TMEM132D: variants seen among roughly 807,000 people sequenced by gnomAD.
TMEM132D encodes transmembrane protein 132D, also known as mature OL transmembrane protein.
A neutral mutation model predicts 62.3 loss-of-function variants in TMEM132D; 21 were observed. The ratio of observed to expected loss-of-function variants is 0.34; its 90% confidence interval spans 0.24 to 0.49. The LOEUF (loss-of-function observed/expected upper bound fraction) is 0.49, where lower values mean the gene tolerates loss of function less well. Among genes scored for constraint, TMEM132D ranks in the 20% least tolerant of loss-of-function variants. The pLI is 0.99. For missense variants in TMEM132D, 1,346 were observed against 1,402.8 expected (o/e 0.96, Z 0.65); for synonymous variants, 621 against 575.6 (o/e 1.08, Z -1.13).
At chr12:129,630,407 G>C (rs1035949418) in intron 2 of TMEM132D, among the ~76,000 whole-genome samples, 1 of 151,084 alleles carries the variant, frequency 6.6e-6, no homozygotes, top group African/African-American at 2.4e-5. Context: ...GCTGAAAATG[G>C]CTCATTTTCA....
intron 3 of TMEM132D, among the ~76,000 whole-genome samples, chr12:129,375,455 CT>C (rs1870756346): frequency 1.3e-5 from 2 of 152,222 alleles, no homozygotes; most frequent in East Asian, 1.9e-4. Context: ...TAGAGTTTGA[CT>C]TAATTGGTCT....
At chr12:129,302,424 T>TG (rs1348866125) in intron 4 of TMEM132D, among the ~76,000 whole-genome samples, 21 of 152,342 alleles carry the variant, frequency 1.4e-4, no homozygotes, top group Admixed American at 6.5e-4. Flanking sequence ...CTCTGCCACC[T>TG]TTTCTATGGC....
chr12:129,472,822 T>C (rs747549065), intron 3 of TMEM132D, among the ~76,000 whole-genome samples: 1 of 152,186 alleles, frequency 6.6e-6, no homozygotes, highest in Non-Finnish European at 1.5e-5. Flanking sequence ...AAATCTTTCA[T>C]GAAAACAAGA....
At chr12:129,851,167 G>A (rs991679570) in intron 1 of TMEM132D, among the ~76,000 whole-genome samples, 6 of 152,118 alleles carry the variant, frequency 3.9e-5, no homozygotes, top group Non-Finnish European at 7.4e-5. Flanking sequence ...CTATCCATAG[G>A]GAAAACTGAC....
At position 129,874,845 on chromosome 12, in the gene TMEM132D, C is replaced by T. The variant is rs551263619; in HGVS notation, c.79+28416G>A. ...CCTCCCGAATAGCTGGGATTACAGG[C>T]GTGCGCCACCACGCCCAGCTAATTT... is the stretch of plus-strand genomic sequence containing the variant. On this transcript the variant is annotated intron_variant, in intron 1 of 8. Transcript: ENST00000422113. Among the ~76,000 whole-genome samples, 99 of 152,098 alleles carry T rather than the reference C, an allele frequency of 6.5e-4. No homozygotes were observed. In the Middle Eastern group the frequency reaches 0.01, roughly 16 times the overall value.
chr12:129,476,158 G>A (rs974562715), intron 3 of TMEM132D, among the ~76,000 whole-genome samples: 5 of 152,124 alleles, frequency 3.3e-5, no homozygotes, highest in Non-Finnish European at 5.9e-5. Context: ...CAGCAAATGT[G>A]GCAATCAAAA....
intron 3 of TMEM132D, among the ~76,000 whole-genome samples, chr12:129,518,289 T>C (rs1289217804): frequency 2.0e-5 from 3 of 152,124 alleles, no homozygotes; most frequent in African/African-American, 7.2e-5. Flanking sequence ...TTGGCAAGTA[T>C]CAACAAATGA....
At chr12:129,788,482 T>G (rs1871303653) in intron 1 of TMEM132D, among the ~76,000 whole-genome samples, 1 of 152,230 alleles carries the variant, frequency 6.6e-6, no homozygotes, top group South Asian at 2.1e-4. Context: ...TAATCATGAT[T>G]TTTCAGCAGA....
intron 1 of TMEM132D, among the ~76,000 whole-genome samples, chr12:129,712,286 G>A (rs149946553): frequency 1.9e-3 from 283 of 152,102 alleles, no homozygotes; most frequent in African/African-American, 6.6e-3. Flanking sequence ...CTCCATGCCT[G>A]GCTAATTTTT....
At chr12:129,518,879 A>C (rs1276132028) in intron 3 of TMEM132D, among the ~76,000 whole-genome samples, 1 of 152,192 alleles carries the variant, frequency 6.6e-6, no homozygotes, top group African/African-American at 2.4e-5. Flanking sequence ...CTTAAGATAA[A>C]TCCTAAAATG....
chr12:129,475,118 C>G (rs1393867479), intron 3 of TMEM132D, among the ~76,000 whole-genome samples: 1 of 152,064 alleles, frequency 6.6e-6, no homozygotes, highest in Non-Finnish European at 1.5e-5. Context: ...CAATTGCTAT[C>G]AAAAGCCACT....
chr12:129,751,053 T>G (rs1010872792), intron 1 of TMEM132D, among the ~76,000 whole-genome samples: 1 of 152,204 alleles, frequency 6.6e-6, no homozygotes, highest in Admixed American at 6.5e-5. Flanking sequence ...GGCCCACATT[T>G]CCTCATTGTG....
intron 3 of TMEM132D, among the ~76,000 whole-genome samples, chr12:129,353,520 T>C (rs2135669734): frequency 6.6e-6 from 1 of 152,048 alleles, no homozygotes; most frequent in African/African-American, 2.4e-5. Context: ...GTCAAATAGG[T>C]AGCTATCAGG....
chr12:129,737,339 TC>T (rs1565967694), intron 1 of TMEM132D, among the ~76,000 whole-genome samples: 1 of 152,308 alleles, frequency 6.6e-6, no homozygotes, highest in East Asian at 1.9e-4. Context: ...TGTTTGGCCC[TC>T]CCAATGCTTA....
intron 1 of TMEM132D, among the ~76,000 whole-genome samples, chr12:129,784,636 G>A (rs956305657): frequency 6.6e-6 from 1 of 151,922 alleles, no homozygotes; most frequent in South Asian, 2.1e-4. Context: ...CCCCTTCCTT[G>A]GAAAGCACAT....
intron 3 of TMEM132D, among the ~76,000 whole-genome samples, chr12:129,431,462 G>A (rs907069211): frequency 6.6e-6 from 1 of 152,148 alleles, no homozygotes; most frequent in Non-Finnish European, 1.5e-5. Context: ...GGCTTCTCCA[G>A]AACTATGCAC....
At chr12:129,561,015 C>T (rs377140493) in intron 2 of TMEM132D, among the ~76,000 whole-genome samples, 30 of 152,152 alleles carry the variant, frequency 2.0e-4, no homozygotes, top group African/African-American at 6.3e-4. Flanking sequence ...TGCAGGGAGA[C>T]AGGCATTAAA....
At chr12:129,462,661 CCT>C (rs546372342) in intron 3 of TMEM132D, among the ~76,000 whole-genome samples, 107 of 152,274 alleles carry the variant, frequency 7.0e-4, no homozygotes, top group African/African-American at 2.5e-3. Flanking sequence ...ACTAAATATT[CCT>C]CTTTGTTATA....
chr12:129,673,560 C>A (rs1418418350), intron 2 of TMEM132D, among the ~76,000 whole-genome samples: 2 of 152,170 alleles, frequency 1.3e-5, no homozygotes, highest in Admixed American at 1.3e-4. Context: ...AACTAGCCCC[C>A]ATTCTCCTAG....
Sources: gnomAD v4.1 joint callset for allele counts (sites outside exome capture counted in the v4.1 genomes callset) on GRCh38, gnomAD v4.1.1 for gene constraint, MANE v1.5 for transcripts, NCBI Gene and HGNC (gene_info 2026-07-23, HGNC 2026-07-21) for gene names.